Variants in TCF4 observed in about 807,000 individuals in gnomAD.
The protein encoded by TCF4 is transcription factor 4.
Under a neutral mutation model 82.1 loss-of-function variants are expected in TCF4, and 3 were observed. The ratio of observed to expected loss-of-function variants is 0.04; its 90% confidence interval spans 0.02 to 0.09. The LOEUF (loss-of-function observed/expected upper bound fraction) is 0.09. Among genes scored for constraint, TCF4 ranks in the 10% least tolerant of loss-of-function variants. TCF4 has a pLI of 1.00. For synonymous variants in TCF4, 276 were observed against 309.6 expected (o/e 0.89, Z 1.14); for missense variants, 518 against 852.7 (o/e 0.61, Z 4.89).
At chr18:55,543,412 T>C (rs947957280) in intron 3 of TCF4, among the ~76,000 whole-genome samples, 2 of 152,062 alleles carry the variant, frequency 1.3e-5, no homozygotes, top group Non-Finnish European at 2.9e-5. Flanking sequence ...TTATCTTCCC[T>C]AACAAAAATT....
At position 55,305,753 on chromosome 18, in the gene TCF4, A is replaced by G. The variant is rs1602071467; in HGVS notation, c.550-26097T>C. 7.2e-5 allele frequency among the ~76,000 whole-genome samples: 11 copies of G among 152,166 alleles called. No individual in the cohort carries two copies. In the South Asian group the frequency reaches 2.3e-3, roughly 32 times the overall value. On this transcript the variant is annotated intron_variant, in intron 8 of 19. Coordinates refer to ENST00000354452, the MANE Select transcript of TCF4 (RefSeq NM_001083962.2). Reference sequence around the variant, plus strand: ...AGCTCCCCTAATTCTCTTTTTTTGTAACTTCACCCAAATTCTAACAAAAGC... The same window carrying G: ...AGCTCCCCTAATTCTCTTTTTTTGTGACTTCACCCAAATTCTAACAAAAGC...
chr18:55,597,442 A>T (rs973550789), intron 2 of TCF4, among the ~76,000 whole-genome samples: 7 of 152,090 alleles, frequency 4.6e-5, no homozygotes, highest in African/African-American at 1.7e-4. Flanking sequence ...AGGTGGGCGG[A>T]TCACCTGAGG....
rs536600716 is a variant in TCF4, at chr18:55,530,999, G to A, written c.145+54281C>T. 4.2e-4 allele frequency among the ~76,000 whole-genome samples: 63 copies of A among 151,656 alleles called. 1 individual carries two copies. The highest frequency in any genetic ancestry group is 1.4e-3 in the African/African-American group (59 of 41,296). On this transcript the variant is annotated intron_variant, in intron 3 of 19. Coordinates refer to ENST00000354452, the MANE Select transcript of TCF4 (RefSeq NM_001083962.2). Reference sequence around the variant, plus strand: ...CGGAGTCTTGTTCTGTCATCCAGGCGGGAGTGCAGTGGTGTAATCTCGGCT... The same window carrying A: ...CGGAGTCTTGTTCTGTCATCCAGGCAGGAGTGCAGTGGTGTAATCTCGGCT...
chr18:55,597,433 G>A (rs1179444113), intron 2 of TCF4, among the ~76,000 whole-genome samples: 1 of 152,106 alleles, frequency 6.6e-6, no homozygotes, highest in Non-Finnish European at 1.5e-5. Context: ...AAAAGGCTGA[G>A]GTGGGCGGAT....
intron 8 of TCF4, among the ~76,000 whole-genome samples, chr18:55,292,591 T>C (rs2065338688): frequency 6.6e-6 from 1 of 152,166 alleles, no homozygotes; most frequent in Non-Finnish European, 1.5e-5. Flanking sequence ...TATTTTTCTT[T>C]TTCCTGGTGG....
chr18:55,427,187 C>G (rs112751895), intron 5 of TCF4, among the ~76,000 whole-genome samples: 1 of 152,134 alleles, frequency 6.6e-6, no homozygotes, highest in Non-Finnish European at 1.5e-5. Context: ...CTTCTCCTTG[C>G]CCATTCCTTC....
intron 3 of TCF4, among the ~76,000 whole-genome samples, chr18:55,577,561 A>G (rs2097541519): frequency 6.6e-6 from 1 of 152,090 alleles, no homozygotes; most frequent in Non-Finnish European, 1.5e-5. Context: ...CATTTTACAC[A>G]CTGTATGAAA....
intron 3 of TCF4, among the ~76,000 whole-genome samples, chr18:55,496,896 C>T (rs976057449): frequency 1.8e-5 from 2 of 108,712 alleles, no homozygotes; most frequent in Non-Finnish European, 3.8e-5. Context: ...TGTAAAATTA[C>T]AAAAAAAAAA....
At chr18:55,277,965 T>C (rs2061784969) in intron 9 of TCF4, among the ~76,000 whole-genome samples, 1 of 152,138 alleles carries the variant, frequency 6.6e-6, no homozygotes, top group South Asian at 2.1e-4. Flanking sequence ...CCAGGTGACA[T>C]AGCCTGCTGT....
chr18:55,435,914 T>C (rs2095320099), intron 5 of TCF4, among the ~76,000 whole-genome samples: 1 of 152,200 alleles, frequency 6.6e-6, no homozygotes, highest in African/African-American at 2.4e-5. Flanking sequence ...CAACTCCAAG[T>C]ATGTGGTGAT....
intron 1 of TCF4, among the ~76,000 whole-genome samples, chr18:55,587,491 G>C (rs543668338): frequency 1.3e-5 from 2 of 148,352 alleles, no homozygotes; most frequent in South Asian, 4.2e-4. Flanking sequence ...ACAGGAGGTA[G>C]AGCGAGAAAT....
rs149574089 is a variant in TCF4 at position 55,389,052 on chromosome 18, G to A, written c.369+14402C>T. On this transcript the variant is annotated intron_variant, in intron 6 of 19. Transcript: ENST00000354452. ...GAGGCAGAAGAATGGCATGAACCCGGGAGGCAGGGATTGCAGTGAGCCGAG... is the reference window on the plus strand; with the variant it reads ...GAGGCAGAAGAATGGCATGAACCCGAGAGGCAGGGATTGCAGTGAGCCGAG... 1.6e-3 allele frequency among the ~76,000 whole-genome samples: 248 copies of A among 150,450 alleles called. No individual in the cohort carries two copies. The East Asian group carries it at 0.021, about 13-fold the overall frequency.
At chr18:55,283,426 G>A (rs986976364) in intron 8 of TCF4, among the ~76,000 whole-genome samples, 1 of 152,090 alleles carries the variant, frequency 6.6e-6, no homozygotes, top group Non-Finnish European at 1.5e-5. Flanking sequence ...TACTGGTCTT[G>A]GCATATCGGT....
At chr18:55,386,984 T>C (rs1334885523) in intron 6 of TCF4, among the ~76,000 whole-genome samples, 1 of 152,206 alleles carries the variant, frequency 6.6e-6, no homozygotes, top group Non-Finnish European at 1.5e-5. Flanking sequence ...GGCACCATTT[T>C]TACACTAGAA....
intron 3 of TCF4, among the ~76,000 whole-genome samples, chr18:55,474,799 G>A (rs1259866383): frequency 1.3e-5 from 2 of 151,916 alleles, no homozygotes; most frequent in Admixed American, 6.6e-5. Flanking sequence ...TTTTGAGACA[G>A]GGTCTCGTTC....
At chr18:55,475,342 T>A (rs1490733975) in intron 3 of TCF4, among the ~76,000 whole-genome samples, 1 of 152,208 alleles carries the variant, frequency 6.6e-6, no homozygotes, top group Admixed American at 6.5e-5. Context: ...CCAGTGGATA[T>A]AATACTACAA....
chr18:55,506,918 A>C (rs904177859), intron 3 of TCF4, among the ~76,000 whole-genome samples: 1 of 147,302 alleles, frequency 6.8e-6, no homozygotes, highest in Non-Finnish European at 1.5e-5. Flanking sequence ...GCTGGAGTGC[A>C]GTGGCACAAT....
intron 5 of TCF4, among the ~76,000 whole-genome samples, chr18:55,416,928 T>C (rs2094544503): frequency 1.3e-5 from 2 of 152,258 alleles, no homozygotes; most frequent in East Asian, 1.9e-4. Context: ...CAATCCTTCA[T>C]CCTGCAGCCT....
At chr18:55,418,125 T>C (rs2094587363) in intron 5 of TCF4, among the ~76,000 whole-genome samples, 1 of 151,836 alleles carries the variant, frequency 6.6e-6, no homozygotes, top group Non-Finnish European at 1.5e-5. Context: ...AAACATGAAA[T>C]TCATAATGAT....
Sources: allele counts gnomAD v4.1 joint callset (sites outside exome capture counted in the v4.1 genomes callset), GRCh38; gene constraint gnomAD v4.1.1; transcripts MANE v1.5; gene names NCBI Gene and HGNC (gene_info 2026-07-23, HGNC 2026-07-21).